The following CNTNAP2 variants were observed in gnomAD, a reference collection of about 807,000 sequenced individuals.
The protein encoded by CNTNAP2 is contactin-associated protein-like 2.
CNTNAP2 carries 98 observed loss-of-function variants against 155.2 expected under a neutral mutation model. The ratio of observed to expected loss-of-function variants is 0.63; its 90% CI spans 0.54 to 0.75. The LOEUF (loss-of-function observed/expected upper bound fraction) is 0.75, where lower values mean the gene tolerates loss of function less well. CNTNAP2 is among the 30% of genes least tolerant of loss of function. CNTNAP2 has a pLI of 0.00. For missense variants in CNTNAP2, 1,727 were observed against 1,688.1 expected (o/e 1.02, Z -0.40); for synonymous variants, 651 against 631.2 (o/e 1.03, Z -0.47).
At chr7:147,683,369 T>C (rs182382569) in intron 13 of CNTNAP2, among the ~76,000 whole-genome samples, 1 of 151,952 alleles carries the variant, frequency 6.6e-6, no homozygotes, top group Non-Finnish European at 1.5e-5. Flanking sequence ...TATTGCCAGA[T>C]CTATGTGTGT....
chr7:147,731,079 C>G (rs897042857), intron 13 of CNTNAP2, among the ~76,000 whole-genome samples: 2 of 152,092 alleles, frequency 1.3e-5, no homozygotes, highest in African/African-American at 2.4e-5. Flanking sequence ...AGGAAAGAAG[C>G]CTTCTCTATA....
At chr7:148,135,393 A>C (rs1804915750) in intron 16 of CNTNAP2, among the ~76,000 whole-genome samples, 1 of 152,164 alleles carries the variant, frequency 6.6e-6, no homozygotes, top group Admixed American at 6.5e-5. Context: ...TAACTTTTGA[A>C]AGATAAATTT....
intron 12 of CNTNAP2, among the ~76,000 whole-genome samples, chr7:147,574,971 G>A (rs1280429286): frequency 6.6e-6 from 1 of 152,054 alleles, no homozygotes; most frequent in Non-Finnish European, 1.5e-5. Flanking sequence ...CGAAAGTTGG[G>A]TTGGTTCTCA....
At chr7:147,152,433 T>C (rs978017712) in intron 8 of CNTNAP2, among the ~76,000 whole-genome samples, 4 of 151,948 alleles carry the variant, frequency 2.6e-5, no homozygotes, top group Non-Finnish European at 5.9e-5. Context: ...TGTAAAATGG[T>C]ATAATGGGGA....
chr7:146,945,356 G>A (rs1439090326), intron 3 of CNTNAP2, among the ~76,000 whole-genome samples: 1 of 152,124 alleles, frequency 6.6e-6, no homozygotes, highest in Non-Finnish European at 1.5e-5. Flanking sequence ...TCTGAGGCAC[G>A]TTTTTCTGTC....
chr7:146,343,979 A>ACTAC (rs1158005353), intron 1 of CNTNAP2, among the ~76,000 whole-genome samples: 1 of 152,098 alleles, frequency 6.6e-6, no homozygotes, highest in African/African-American at 2.4e-5. Flanking sequence ...TAGTTTTCAA[A>ACTAC]ATATCATATT....
At chr7:146,711,070 C>G (rs919104022) in intron 1 of CNTNAP2, among the ~76,000 whole-genome samples, 1 of 151,578 alleles carries the variant, frequency 6.6e-6, no homozygotes, top group African/African-American at 2.4e-5. Context: ...TGGCAAGATG[C>G]AAGTTCTGCC....
At chr7:147,216,818 A>T (rs368046659) in intron 8 of CNTNAP2, among the ~76,000 whole-genome samples, 13 of 152,132 alleles carry the variant, frequency 8.5e-5, no homozygotes, top group South Asian at 8.3e-4. Flanking sequence ...TTGAACATAC[A>T]TTATCTATCC....
chr7:147,582,955 G>C (rs1034009653), intron 12 of CNTNAP2, among the ~76,000 whole-genome samples: 8 of 152,014 alleles, frequency 5.3e-5, no homozygotes, highest in African/African-American at 1.9e-4. Flanking sequence ...TCAAACATTT[G>C]GCATGCAGGC....
intron 17 of CNTNAP2, among the ~76,000 whole-genome samples, chr7:148,167,499 A>G (rs7796343): frequency 0.066 from 9,833 of 149,868 alleles, 523 homozygotes; most frequent in African/African-American, 0.15. Flanking sequence ...AAAGAGGGAG[A>G]AAAAAAAAAG....
At chr7:146,930,428 C>G (rs374397779) in intron 3 of CNTNAP2, among the ~76,000 whole-genome samples, 54,781 of 151,174 alleles carry the variant, frequency 0.36, 10,316 homozygotes, top group Middle Eastern at 0.41. Flanking sequence ...TAAAAGAGCT[C>G]CTGAAGGAAG....
intron 21 of CNTNAP2, among the ~76,000 whole-genome samples, chr7:148,291,468 G>C (rs1178275522): frequency 6.6e-6 from 1 of 152,104 alleles, no homozygotes; most frequent in Admixed American, 6.5e-5. Context: ...CAGCACAAGA[G>C]AAAGATGTAG....
At chr7:148,278,918 C>T (rs116627443) in intron 21 of CNTNAP2, among the ~76,000 whole-genome samples, 1,677 of 152,226 alleles carry the variant, frequency 0.011, 30 homozygotes, top group African/African-American at 0.038. Flanking sequence ...AAAAGCCTTC[C>T]AGGAAGAGAG....
intron 10 of CNTNAP2, among the ~76,000 whole-genome samples, chr7:147,453,151 A>T (rs1347298549): frequency 6.6e-6 from 1 of 152,144 alleles, no homozygotes; most frequent in Non-Finnish European, 1.5e-5. Context: ...CCTCAGCCAG[A>T]TGAAAGATTT....
chr7:146,236,012 G>T (rs1799468498), intron 1 of CNTNAP2, among the ~76,000 whole-genome samples: 1 of 151,208 alleles, frequency 6.6e-6, no homozygotes, highest in Non-Finnish European at 1.5e-5. Context: ...ATTATCCCTG[G>T]TATTCTATAT....
Position 147,203,474 on chromosome 7 carries a change from C to T in CNTNAP2, c.1348+70965C>T, listed in dbSNP as rs186708032. Among the ~76,000 whole-genome samples, 1,096 of 152,158 alleles carry T rather than the reference C, an allele frequency of 7.2e-3. 4 individuals are homozygous for T. The highest frequency in any genetic ancestry group is 0.011 in the Non-Finnish European group (750 of 67,982). On this transcript the variant is annotated intron_variant, in intron 8 of 23. Transcript: ENST00000361727. ...CTCGAACTCCTGACCTCAGGTGATCCGCCCGCCTCGGCCTTCCAAAGTGCT... is the reference window on the plus strand; with the variant it reads ...CTCGAACTCCTGACCTCAGGTGATCTGCCCGCCTCGGCCTTCCAAAGTGCT...
chr7:147,364,879 T>TA (rs1358492575), intron 9 of CNTNAP2, among the ~76,000 whole-genome samples: 1 of 151,958 alleles, frequency 6.6e-6, no homozygotes, highest in Non-Finnish European at 1.5e-5. Context: ...CTAGCCATGT[T>TA]AAAAATTACT....
chr7:147,630,376 C>G (rs868699638), intron 12 of CNTNAP2, among the ~76,000 whole-genome samples: 44 of 147,766 alleles, frequency 3.0e-4, no homozygotes, highest in African/African-American at 9.2e-4. Context: ...GGATTCGCAG[C>G]TGAATTCTAA....
chr7:146,639,888 C>T (rs1799676199), intron 1 of CNTNAP2, among the ~76,000 whole-genome samples: 1 of 152,226 alleles, frequency 6.6e-6, no homozygotes, highest in South Asian at 2.1e-4. Flanking sequence ...AGAGGGAAGG[C>T]AGTCTGACTG....
Sources: allele counts gnomAD v4.1 joint callset (sites outside exome capture counted in the v4.1 genomes callset), GRCh38; gene constraint gnomAD v4.1.1; transcripts MANE v1.5; gene names NCBI Gene and HGNC (gene_info 2026-07-23, HGNC 2026-07-21).